XDH: variants seen among roughly 807,000 people sequenced by gnomAD.
The protein encoded by XDH is xanthine dehydrogenase, also known as xanthine dehydrogenase/oxidase.
Under a neutral mutation model 156.1 loss-of-function variants are expected in XDH, and 138 were observed. The observed-to-expected ratio is 0.88, with a 90% CI of 0.77 to 1.02. The LOEUF is 1.02. Among genes scored for constraint, XDH ranks in the 50% least tolerant of loss-of-function variants. The pLI, the probability that XDH is intolerant of heterozygous loss-of-function variation, is 0.00. For missense variants in XDH, 1,849 were observed against 1,684.9 expected (o/e 1.10, Z -1.71); for synonymous variants, 669 against 625.7 (o/e 1.07, Z -1.03).
chr2:31,377,228 A>C lies in XDH; in HGVS notation c.1252T>G (p.Phe418Val). The C allele has an allele frequency of 6.2e-7, 1 of 1,614,000 alleles. No homozygotes were observed. Residue 418 changes from phenylalanine (F) to valine (V), a missense_variant, in exon 14 of 36, where the codon TTC becomes GTC. Transcript: ENST00000379416. Reference sequence around the variant, plus strand: ...CGGGAGGCCTGCTTGAATGCTGAGAAATACTCCCCCTAAAAGAGATCAGGA... The same window carrying C: ...CGGGAGGCCTGCTTGAATGCTGAGACATACTCCCCCTAAAAGAGATCAGGA... ...EIPYSREGEY[F>V]SAFKQASRRE...
chr2:31,354,202 T>C (rs1045433239), intron 24 of XDH, among the ~76,000 whole-genome samples: 10 of 152,190 alleles, frequency 6.6e-5, no homozygotes, highest in Non-Finnish European at 1.0e-4. Context: ...AGATCAAGAT[T>C]TCTACCTCTA....
intron 1 of XDH, among the ~76,000 whole-genome samples, chr2:31,409,096 T>A (rs754018298): frequency 6.6e-6 from 1 of 151,810 alleles, no homozygotes; most frequent in African/African-American, 2.4e-5. Flanking sequence ...ATCAAAACAA[T>A]TGAACTCATG....
intron 6 of XDH, among the ~76,000 whole-genome samples, chr2:31,393,155 T>C (rs1686812168): frequency 6.6e-6 from 1 of 152,232 alleles, no homozygotes; most frequent in Non-Finnish European, 1.5e-5. Flanking sequence ...TCCAATTAAT[T>C]GATGGTGCCG....
intron 24 of XDH, among the ~76,000 whole-genome samples, chr2:31,359,822 A>T (rs1376656112): frequency 1.3e-5 from 2 of 152,212 alleles, no homozygotes; most frequent in Non-Finnish European, 2.9e-5. Context: ...TGTGTCCTAA[A>T]TTGTGGCATA....
intron 4 of XDH, among the ~76,000 whole-genome samples, chr2:31,400,012 G>T (rs1687013606): frequency 6.6e-6 from 1 of 152,002 alleles, no homozygotes; most frequent in South Asian, 2.1e-4. Flanking sequence ...TCTCCTTCAG[G>T]TTGGACAAGT....
intron 6 of XDH, among the ~76,000 whole-genome samples, chr2:31,395,542 T>C (rs1412501702): frequency 1.3e-5 from 2 of 152,172 alleles, no homozygotes; most frequent in African/African-American, 4.8e-5. Context: ...TCTCCAACAT[T>C]TACTGTGAGG....
chr2:31,401,179 G>C (rs2148006150), intron 4 of XDH, 41 bp downstream of exon 4: 1 of 1,609,964 alleles, frequency 6.2e-7, no homozygotes, highest in Non-Finnish European at 8.5e-7. Context: ...GCAGAGGAAA[G>C]AGCCTGATCT....
chr2:31,386,796 G>A (rs984534454), intron 8 of XDH, among the ~76,000 whole-genome samples: 1 of 152,026 alleles, frequency 6.6e-6, no homozygotes, highest in African/African-American at 2.4e-5. Context: ...AGATCCTGAG[G>A]GTCAAGGAGG....
At chr2:31,352,368 T>C (rs1012379907) in intron 24 of XDH, among the ~76,000 whole-genome samples, 2 of 152,194 alleles carry the variant, frequency 1.3e-5, no homozygotes, top group Non-Finnish European at 2.9e-5. Flanking sequence ...TGTTTTATTT[T>C]GGTTTTGGTT....
intron 9 of XDH, among the ~76,000 whole-genome samples, chr2:31,385,810 T>A (rs1169500962): frequency 1.3e-5 from 2 of 152,136 alleles, no homozygotes; most frequent in African/African-American, 2.4e-5. Flanking sequence ...ACAAACACAG[T>A]CACACCTGGA....
intron 24 of XDH, among the ~76,000 whole-genome samples, chr2:31,358,403 T>G (rs1170724541): frequency 6.6e-6 from 1 of 152,202 alleles, no homozygotes; most frequent in Non-Finnish European, 1.5e-5. Flanking sequence ...TTCTAACTCA[T>G]TTTATGAAGC....
intron 16 of XDH, 141 bp from the exon 17 acceptor site, chr2:31,372,538 A>G (rs577857126): frequency 2.7e-6 from 3 of 1,106,682 alleles, no homozygotes; most frequent in Non-Finnish European, 3.9e-6. Context: ...GGCGTGGGGC[A>G]AAGGGAACAG....
At chr2:31,404,273 C>T (rs895856699) in intron 2 of XDH, among the ~76,000 whole-genome samples, 4 of 152,152 alleles carry the variant, frequency 2.6e-5, no homozygotes, top group East Asian at 1.9e-4. Flanking sequence ...ATATGCAGCT[C>T]TCAGCAGGTC....
intron 17 of XDH, among the ~76,000 whole-genome samples, chr2:31,371,205 C>T (rs1489386055): frequency 1.3e-5 from 2 of 151,980 alleles, no homozygotes; most frequent in Non-Finnish European, 2.9e-5. Context: ...GCACATGCCC[C>T]CATGGGGAAA....
At chr2:31,393,149 A>C (rs1558311013) in intron 6 of XDH, among the ~76,000 whole-genome samples, 2 of 152,192 alleles carry the variant, frequency 1.3e-5, no homozygotes, top group Non-Finnish European at 2.9e-5. Context: ...ATTATATCCA[A>C]TTAATTGATG....
At chr2:31,406,111 T>C (rs904829818) in intron 1 of XDH, 147 bp from the exon 2 acceptor site, 3 of 913,280 alleles carry the variant, frequency 3.3e-6, no homozygotes, top group South Asian at 1.5e-5. Flanking sequence ...CTAAATCTCA[T>C]GTTTAATTGT....
At chr2:31,352,796 C>T (rs1303122134) in intron 24 of XDH, among the ~76,000 whole-genome samples, 2 of 151,934 alleles carry the variant, frequency 1.3e-5, no homozygotes, top group Non-Finnish European at 2.9e-5. Context: ...GTGAAGTTTC[C>T]TAACTGAGCC....
intron 6 of XDH, among the ~76,000 whole-genome samples, chr2:31,393,800 CTTT>C (rs34575198): frequency 1.4e-5 from 2 of 140,454 alleles, no homozygotes; most frequent in Non-Finnish European, 3.1e-5. Context: ...TTCCTTTTTT[CTTT>C]TTTTTTTTTT....
chr2:31,362,029 A>G (rs988763082), intron 24 of XDH, among the ~76,000 whole-genome samples: 4 of 147,574 alleles, frequency 2.7e-5, no homozygotes, highest in Non-Finnish European at 4.5e-5. Flanking sequence ...TTATCCTATA[A>G]TGAGTATATA....
Sources: allele counts gnomAD v4.1 joint callset (sites outside exome capture counted in the v4.1 genomes callset), GRCh38; gene constraint gnomAD v4.1.1; transcripts MANE v1.5; gene names NCBI Gene and HGNC (gene_info 2026-07-23, HGNC 2026-07-21).